Variants in FOXO3 observed in about 807,000 individuals in gnomAD.
The protein encoded by FOXO3 is forkhead box O3.
In FOXO3, 4 loss-of-function variants were observed where a neutral mutation model predicts 41.9. The observed-to-expected ratio is 0.10, with a 90% CI of 0.05 to 0.22. FOXO3 has a LOEUF of 0.22. Among genes scored for constraint, FOXO3 ranks in the 10% least tolerant of loss-of-function variants. FOXO3 has a pLI of 1.00. For missense variants in FOXO3, 534 were observed against 906.8 expected (o/e 0.59, Z 5.28); for synonymous variants, 318 against 389.3 (o/e 0.82, Z 2.16).
Position 108,668,749 on chromosome 6 carries a change from A to T in FOXO3, c.*34+3860A>T, listed in dbSNP as rs551950542. ...GTTCACTTCTTGTCTCTGCCACATCACTCAATCTTGTAGAATATTAGGTTT... is the reference window on the plus strand; with the variant it reads ...GTTCACTTCTTGTCTCTGCCACATCTCTCAATCTTGTAGAATATTAGGTTT... On this transcript the variant is annotated intron_variant, in intron 2 of 2. Coordinates refer to ENST00000406360, the MANE Select transcript of FOXO3 (RefSeq NM_001455.4). Among the ~76,000 whole-genome samples the T allele has an allele frequency of 5.0e-4, 76 of 152,240 alleles. No homozygotes were observed. In the East Asian group the frequency reaches 0.014, roughly 28 times the overall value.
intron 1 of FOXO3, among the ~76,000 whole-genome samples, chr6:108,607,466 G>A (rs889478986): frequency 1.4e-4 from 20 of 139,178 alleles, no homozygotes; most frequent in Non-Finnish European, 1.4e-4. Context: ...AAAAAAAAAA[G>A]AAGAAGGAGT....
intron 1 of FOXO3, among the ~76,000 whole-genome samples, chr6:108,615,578 T>C (rs1378109303): frequency 6.6e-6 from 1 of 152,090 alleles, no homozygotes; most frequent in Non-Finnish European, 1.5e-5. Context: ...TTTTGGAGTT[T>C]GTTGAGTTTT....
chr6:108,593,895 T>C (rs921853414), intron 1 of FOXO3, among the ~76,000 whole-genome samples: 1 of 151,794 alleles, frequency 6.6e-6, no homozygotes. Context: ...TTTTGTACCT[T>C]TTTAGTAGAG....
At position 108,664,262 on chromosome 6, in the gene FOXO3, G is replaced by C. The variant is rs1467701101; in HGVS notation, c.1429G>C (p.Asp477His). 4 of 1,606,934 alleles carry C rather than the reference G, an allele frequency of 2.5e-6. No individual in the cohort carries two copies. The part of the protein sequence containing the change: ...NQTLQDLLTS[D>H]SLSHSDVMMT... ...GACACTCCAGGACCTGCTCACTTCGGACTCACTTAGCCACAGCGATGTCAT... is the reference window on the plus strand; with the variant it reads ...GACACTCCAGGACCTGCTCACTTCGCACTCACTTAGCCACAGCGATGTCAT... The change falls in exon 2 of 3, where the codon GAC (aspartate) becomes CAC (histidine). Residue 477 changes from aspartate (D) to histidine (H), a missense_variant. Coordinates refer to ENST00000406360, the MANE Select transcript of FOXO3 (RefSeq NM_001455.4).
At chr6:108,662,824 T>A (rs1344758201) in intron 1 of FOXO3, among the ~76,000 whole-genome samples, 1 of 152,092 alleles carries the variant, frequency 6.6e-6, no homozygotes, top group Admixed American at 6.5e-5. Flanking sequence ...GCAATATAAT[T>A]ACAGAAAGGC....
rs1770794647 is a variant in FOXO3 at position 108,680,324 on chromosome 6, A to G, written c.*532A>G. The G allele has an allele frequency of 6.5e-6, 1 of 152,674 alleles. No individual in the cohort carries two copies. Among genetic ancestry groups the G allele is most frequent in the African/African-American group, 2.4e-5 (1 of 41,464 alleles). 9.5% of individuals were successfully genotyped at this position (152,674 alleles called of 1,614,324 possible). A position where few individuals can be genotyped will look rare whatever the true frequency, so the allele number is the denominator to read the frequency against. ...AGTTACCATTCCGGGTTCGAGCATC[A>G]CAAGCTTTTGAGCGCATGGAACTCC... On this transcript the variant is annotated 3_prime_UTR_variant, in exon 3 of 3. Transcript: ENST00000406360.
In FOXO3 at chr6:108,602,691, A is replaced by AT. The variant is rs1209857847; in HGVS notation, c.621+40869dup. On this transcript the variant is annotated intron_variant, in intron 1 of 2. Transcript: ENST00000406360. ...AAACCTTTTATTATTAACAAAGGTT[A>AT]TTTTTTTATAATAGATGTGGATAAC... is the stretch of plus-strand genomic sequence containing the variant. Among the ~76,000 whole-genome samples, 4 of 151,980 alleles carry AT rather than the reference A, an allele frequency of 2.6e-5. No homozygotes were observed. The East Asian group carries it at 5.8e-4, about 22-fold the overall frequency.
At chr6:108,560,823 G>A (rs1048694609), upstream of FOXO3, 1 of 415,208 alleles carries the variant, frequency 2.4e-6, no homozygotes, top group Non-Finnish European at 3.7e-6. Flanking sequence ...CGCCTAGCCC[G>A]GGAGGGACCT....
At chr6:108,662,658 G>A (rs922798849) in intron 1 of FOXO3, among the ~76,000 whole-genome samples, 6 of 152,286 alleles carry the variant, frequency 3.9e-5, no homozygotes, top group South Asian at 2.1e-4. Context: ...AAAGGTAGAC[G>A]TTGTGCCTCT....
At chr6:108,672,578 A>G (rs1265487063) in intron 2 of FOXO3, among the ~76,000 whole-genome samples, 2 of 152,164 alleles carry the variant, frequency 1.3e-5, no homozygotes, top group East Asian at 3.9e-4. Flanking sequence ...GCTAAAATCC[A>G]TGGCATTCGT....
At chr6:108,659,827 C>T (rs566132010) in intron 1 of FOXO3, among the ~76,000 whole-genome samples, 5 of 152,228 alleles carry the variant, frequency 3.3e-5, no homozygotes, top group Admixed American at 1.3e-4. Context: ...TAAAACTATA[C>T]GCATACGTTG....
chr6:108,581,116 C>T (rs1332847732), intron 1 of FOXO3, among the ~76,000 whole-genome samples: 4 of 152,204 alleles, frequency 2.6e-5, no homozygotes, highest in Non-Finnish European at 4.4e-5. Flanking sequence ...TTTTGTTGAA[C>T]AGCGACATCG....
intron 1 of FOXO3, among the ~76,000 whole-genome samples, chr6:108,599,617 G>A (rs888710429): frequency 3.3e-5 from 5 of 152,106 alleles, no homozygotes; most frequent in African/African-American, 7.2e-5. Flanking sequence ...GCCAACTTCT[G>A]ACTGCAAATG....
intron 1 of FOXO3, among the ~76,000 whole-genome samples, chr6:108,610,448 G>A (rs1471490140): frequency 6.6e-6 from 1 of 152,150 alleles, no homozygotes; most frequent in African/African-American, 2.4e-5. Flanking sequence ...GGACTGGACC[G>A]CTTAGCTTCA....
intron 1 of FOXO3, among the ~76,000 whole-genome samples, chr6:108,578,806 AG>A (rs1327886938): frequency 1.3e-5 from 2 of 152,208 alleles, no homozygotes; most frequent in Non-Finnish European, 2.9e-5. Flanking sequence ...GGCTCAGTGC[AG>A]TGAAGGGGAG....
At chr6:108,605,835 G>A (rs1232232905) in intron 1 of FOXO3, among the ~76,000 whole-genome samples, 1 of 152,232 alleles carries the variant, frequency 6.6e-6, no homozygotes, top group Non-Finnish European at 1.5e-5. Context: ...TCGCATGTAG[G>A]ACAGCAAATT....
chr6:108,592,805 G>T (rs1053073530), intron 1 of FOXO3, among the ~76,000 whole-genome samples: 1 of 152,158 alleles, frequency 6.6e-6, no homozygotes, highest in African/African-American at 2.4e-5. Flanking sequence ...TGTGGTTTCA[G>T]AGTCTCTGAG....
chr6:108,620,184 C>T (rs1777627452), intron 1 of FOXO3, among the ~76,000 whole-genome samples: 1 of 152,136 alleles, frequency 6.6e-6, no homozygotes, highest in South Asian at 2.1e-4. Flanking sequence ...GTCAGAAAAA[C>T]AGACTATGCT....
chr6:108,602,853 A>G (rs2128366942), intron 1 of FOXO3, among the ~76,000 whole-genome samples: 1 of 152,304 alleles, frequency 6.6e-6, no homozygotes, highest in African/African-American at 2.4e-5. Context: ...AACTGCTAAG[A>G]CAAGGTAGAG....
Sources: allele counts gnomAD v4.1 joint callset (sites outside exome capture counted in the v4.1 genomes callset), GRCh38; gene constraint gnomAD v4.1.1; transcripts MANE v1.5; gene names NCBI Gene and HGNC (gene_info 2026-07-23, HGNC 2026-07-21).